PLEKHA6: variants seen among roughly 807,000 people sequenced by gnomAD.
PLEKHA6 encodes pleckstrin homology domain containing A6, also known as pleckstrin homology domain-containing family A member 6.
PLEKHA6 carries 60 observed loss-of-function variants against 116.7 expected under a neutral mutation model. The ratio of observed to expected loss-of-function variants is 0.51; its 90% CI spans 0.42 to 0.64. The LOEUF is 0.64. PLEKHA6 is among the 30% of genes least tolerant of loss of function. PLEKHA6 has a pLI of 0.00. For synonymous variants in PLEKHA6, 489 were observed against 556.1 expected, an observed-to-expected ratio of 0.88 and a Z score of 1.70; for missense variants, 1,338 against 1,422.7, an observed-to-expected ratio of 0.94 and a Z score of 0.96.
chr1:204,331,504 T>C (rs975615514), intron 1 of PLEKHA6, among the ~76,000 whole-genome samples: 1 of 151,948 alleles, frequency 6.6e-6, no homozygotes, highest in African/African-American at 2.4e-5. Context: ...ATCCCAGAGC[T>C]CTTGGGAGAG....
At chr1:204,334,452 T>C (rs886111914) in intron 1 of PLEKHA6, among the ~76,000 whole-genome samples, 3 of 152,338 alleles carry the variant, frequency 2.0e-5, no homozygotes, top group Non-Finnish European at 4.4e-5. Context: ...AACTTGGTCT[T>C]TTTCTATTTG....
At chr1:204,248,155 C>CTTTTTTTTTT (rs34335278) in intron 12 of PLEKHA6, among the ~76,000 whole-genome samples, 4 of 95,240 alleles carry the variant, frequency 4.2e-5, no homozygotes, top group East Asian at 6.8e-4. Flanking sequence ...GGGCAGCAGC[C>CTTTTTTTTTT]TTTTTTTTTT....
At chr1:204,266,670 G>C (rs1390932010) in intron 5 of PLEKHA6, among the ~76,000 whole-genome samples, 1 of 152,160 alleles carries the variant, frequency 6.6e-6, no homozygotes, top group Non-Finnish European at 1.5e-5. Context: ...TACAACCTTT[G>C]TTTGCCAAAG....
At chr1:204,245,293 C>T (rs1663480685) in intron 14 of PLEKHA6, among the ~76,000 whole-genome samples, 1 of 151,974 alleles carries the variant, frequency 6.6e-6, no homozygotes, top group African/African-American at 2.4e-5. Context: ...TCAAGGAAAA[C>T]TCTAAGGTAG....
In PLEKHA6 at chr1:204,261,904, A is replaced by G. The variant is rs1666166953; in HGVS notation, c.382-456T>C. 1 of 208,826 alleles carries G rather than the reference A, an allele frequency of 4.8e-6. No individual in the cohort carries two copies. Among genetic ancestry groups the G allele is most frequent in the African/African-American group, 2.3e-5 (1 of 43,588 alleles). The allele number at this position is 208,826 out of a possible 1,614,324, so 12.9% of individuals were successfully genotyped here. Reference sequence around the variant, plus strand: ...TCTCTTCCACGTGGAGAGACAGCCAAGCCCCTCTCTGCAGGCATGCAAAGC... The same window carrying G: ...TCTCTTCCACGTGGAGAGACAGCCAGGCCCCTCTCTGCAGGCATGCAAAGC... On this transcript the variant is annotated intron_variant, in intron 6 of 22. Coordinates refer to ENST00000272203, the MANE Select transcript of PLEKHA6 (RefSeq NM_014935.5). The surrounding 1 kb of genome is among the most constrained non-coding windows in gnomAD (Gnocchi z 4.0).
chr1:204,267,313 T>C (rs890256087), intron 5 of PLEKHA6, among the ~76,000 whole-genome samples, 162 bp downstream of exon 5: 4 of 152,092 alleles, frequency 2.6e-5, no homozygotes, highest in Non-Finnish European at 5.9e-5. Context: ...AGTGAACAAG[T>C]GAGCTTTGTT....
chr1:204,232,878 C>T (rs1374438361), intron 17 of PLEKHA6, among the ~76,000 whole-genome samples: 1 of 152,318 alleles, frequency 6.6e-6, no homozygotes, highest in South Asian at 2.1e-4. Flanking sequence ...TGCTGGATTT[C>T]AAGCTTGCTT....
chr1:204,374,918 C>T (rs146488239), intron 1 of PLEKHA6, among the ~76,000 whole-genome samples: 406 of 152,252 alleles, frequency 2.7e-3, no homozygotes, highest in African/African-American at 8.7e-3. Flanking sequence ...TCATTAGAGG[C>T]CTCCCCCTCT....
chr1:204,337,658 G>A (rs1161862211), intron 1 of PLEKHA6, among the ~76,000 whole-genome samples: 3 of 152,336 alleles, frequency 2.0e-5, no homozygotes, highest in South Asian at 4.1e-4. Context: ...AAGCCTCCGG[G>A]GTGACTGGAG....
intron 3 of PLEKHA6, among the ~76,000 whole-genome samples, chr1:204,269,022 T>G (rs1381147435): frequency 6.6e-6 from 1 of 152,124 alleles, no homozygotes; most frequent in Non-Finnish European, 1.5e-5. Flanking sequence ...ACAGCCTTGA[T>G]GTCCCCGGCT....
intron 1 of PLEKHA6, among the ~76,000 whole-genome samples, chr1:204,329,790 A>G (rs1004382774): frequency 6.6e-6 from 1 of 151,864 alleles, no homozygotes; most frequent in Non-Finnish European, 1.5e-5. Flanking sequence ...GCAGTGACTC[A>G]TTGTCTGTAA....
chr1:204,348,062 C>T (rs1377630412), intron 1 of PLEKHA6, among the ~76,000 whole-genome samples: 1 of 152,168 alleles, frequency 6.6e-6, no homozygotes, highest in African/African-American at 2.4e-5. Flanking sequence ...GTCGCACACA[C>T]CCACCACCCT....
At chr1:204,368,197 C>G (rs1032545387) in intron 2 of PLEKHA6, among the ~76,000 whole-genome samples, 3 of 152,176 alleles carry the variant, frequency 2.0e-5, no homozygotes, top group African/African-American at 7.2e-5. Flanking sequence ...GTGCCAGCCC[C>G]TGGATACAAC....
intron 5 of PLEKHA6, 40 bp downstream of exon 5, chr1:204,267,416 AGAAAGAGTAGTGGGTCCTG>A: frequency 6.9e-7 from 1 of 1,451,878 alleles, no homozygotes; most frequent in Non-Finnish European, 9.7e-7. Flanking sequence ...TGGCAGAATG[AGAAAGAGTAGTGGGTCCTG>A]GCTTCCTGCC....
chr1:204,245,333 C>G (rs1310617744), intron 14 of PLEKHA6, among the ~76,000 whole-genome samples: 7 of 151,752 alleles, frequency 4.6e-5, no homozygotes, highest in Non-Finnish European at 1.0e-4. Context: ...GGCCCATGTG[C>G]TTGGGGGCTG....
At chr1:204,316,575 C>A (rs1235671411) in intron 1 of PLEKHA6, among the ~76,000 whole-genome samples, 1 of 152,182 alleles carries the variant, frequency 6.6e-6, no homozygotes, top group Non-Finnish European at 1.5e-5. Flanking sequence ...CACTCATTGG[C>A]ACGGTGACTT....
At position 204,259,869 on chromosome 1, in the gene PLEKHA6, G is replaced by A; in HGVS notation, c.525-129C>T. 1 of 946,720 alleles carries A rather than the reference G, an allele frequency of 1.1e-6. No homozygotes were observed. 58.6% of individuals were successfully genotyped at this position (946,720 alleles called of 1,614,324 possible). A position where few individuals can be genotyped will look rare whatever the true frequency, so the allele number is the denominator to read the frequency against. On this transcript the variant is annotated intron_variant, in intron 7 of 22. Transcript: ENST00000272203. The surrounding 1 kb of genome is among the most constrained non-coding windows in gnomAD (Gnocchi z 4.6). ...GAGGTGGCTGGAACCAGGATTCTATGAACTCCAGTTCTGCTTCCTAAGTCC... is the reference window on the plus strand; with the variant it reads ...GAGGTGGCTGGAACCAGGATTCTATAAACTCCAGTTCTGCTTCCTAAGTCC...
intron 1 of PLEKHA6, among the ~76,000 whole-genome samples, chr1:204,329,273 A>G (rs1672362035): frequency 6.6e-6 from 1 of 151,888 alleles, no homozygotes; most frequent in African/African-American, 2.4e-5. Flanking sequence ...AATGCAAAGG[A>G]CTCTTTCCAG....
intron 1 of PLEKHA6, among the ~76,000 whole-genome samples, chr1:204,298,516 C>A (rs1009562365): frequency 6.6e-6 from 1 of 152,180 alleles, no homozygotes; most frequent in Non-Finnish European, 1.5e-5. Flanking sequence ...CAGCCATGCC[C>A]CAGGTTCCAT....
Sources: gnomAD v4.1 joint callset for allele counts (sites outside exome capture counted in the v4.1 genomes callset) on GRCh38, gnomAD v4.1.1 for gene constraint, Gnocchi (gnomAD v3.1) non-coding constraint, MANE v1.5 for transcripts, NCBI Gene and HGNC (gene_info 2026-07-23, HGNC 2026-07-21) for gene names.